Variants in LEO1 observed in about 807,000 individuals in gnomAD.
LEO1 encodes the protein RNA polymerase-associated protein LEO1.
LEO1 carries 34 observed loss-of-function variants against 80.4 expected under a neutral mutation model. That is an observed-to-expected ratio of 0.42 (90% CI 0.32 to 0.56). The LOEUF (loss-of-function observed/expected upper bound fraction) is 0.56. LEO1 is among the 20% of genes least tolerant of loss of function. The pLI is 0.10. For synonymous variants in LEO1, 262 were observed against 274.9 expected (o/e 0.95, Z 0.46); for missense variants, 631 against 814.2 (o/e 0.77, Z 2.74).
At chr15:51,963,502 G>A (rs182015445) in intron 2 of LEO1, among the ~76,000 whole-genome samples, 2 of 152,232 alleles carry the variant, frequency 1.3e-5, no homozygotes, top group East Asian at 3.9e-4. Context: ...TAAGCAGAAT[G>A]ACCAGCTACA....
intron 11 of LEO1, among the ~76,000 whole-genome samples, chr15:51,939,465 A>G (rs2056829728): frequency 6.6e-6 from 1 of 152,192 alleles, no homozygotes; most frequent in Non-Finnish European, 1.5e-5. Flanking sequence ...ATGAATCCAC[A>G]GTAAGGTATT....
intron 11 of LEO1, among the ~76,000 whole-genome samples, chr15:51,943,982 A>G (rs2056879053): frequency 6.6e-6 from 1 of 152,204 alleles, no homozygotes; most frequent in Non-Finnish European, 1.5e-5. Flanking sequence ...ACACCACTAA[A>G]CACACCAACA....
chr15:51,939,146 C>G (rs1180776878), intron 11 of LEO1, among the ~76,000 whole-genome samples: 1 of 152,202 alleles, frequency 6.6e-6, no homozygotes, highest in Non-Finnish European at 1.5e-5. Context: ...GATCGCACCA[C>G]TATACTCCGG....
intron 11 of LEO1, among the ~76,000 whole-genome samples, chr15:51,946,028 T>C (rs2056897959): frequency 2.0e-5 from 3 of 151,768 alleles, no homozygotes; most frequent in Non-Finnish European, 4.4e-5. Context: ...AGCGAGACTC[T>C]GTCTTAAAAA....
At chr15:51,969,840 A>T (rs1271778825) in intron 1 of LEO1, among the ~76,000 whole-genome samples, 3 of 4,396 alleles carry the variant, frequency 6.8e-4, no homozygotes, top group Non-Finnish European at 1.9e-3. Context: ...GACTCCGTTA[A>T]AAAAAAAAAA....
At chr15:51,964,068 T>G (rs1241321784) in intron 2 of LEO1, among the ~76,000 whole-genome samples, 1 of 151,438 alleles carries the variant, frequency 6.6e-6, no homozygotes, top group East Asian at 1.9e-4. Flanking sequence ...TAGCCGGGCG[T>G]GGTGGCGGGT....
In LEO1 at chr15:51,971,770, C is replaced by G. The variant is rs1361240839; in HGVS notation, c.-25G>C. 3 of 1,613,080 alleles carry G rather than the reference C, an allele frequency of 1.9e-6. No homozygotes were observed. In the African/African-American group the frequency reaches 4.0e-5, roughly 22 times the overall value. On this transcript the variant is annotated 5_prime_UTR_variant, in exon 1 of 12. Coordinates refer to ENST00000299601, the MANE Select transcript of LEO1 (RefSeq NM_138792.4). ...TTATCGCTCACGTCCGCTGCTGCCT[C>G]GGTTAGGGGCAGCTCCCGGCCTCTC...
chr15:51,953,793 A>G (rs916916763), intron 7 of LEO1, among the ~76,000 whole-genome samples: 1 of 151,782 alleles, frequency 6.6e-6, no homozygotes, highest in Non-Finnish European at 1.5e-5. Context: ...GTGAAGGGCA[A>G]TTTTTTTAAA....
intron 10 of LEO1, 106 bp downstream of exon 10, chr15:51,949,699 CAAA>C (rs11387025): frequency 1.8e-3 from 1,310 of 712,598 alleles, no homozygotes; most frequent in Middle Eastern, 4.4e-3. Context: ...GACTCCGTCT[CAAA>C]AAAAAAAAAA....
chr15:51,939,751 G>A (rs953162424), intron 11 of LEO1, among the ~76,000 whole-genome samples: 15 of 152,186 alleles, frequency 9.9e-5, no homozygotes, highest in African/African-American at 3.1e-4. Context: ...TGGTGTGTTT[G>A]TCTTTTCAGC....
At position 51,963,068 on chromosome 15, in the gene LEO1, G is replaced by A. The variant is rs185292288; in HGVS notation, c.815-575C>T. ...GAGGTGGGTGGATCACTTGAGGTCA[G>A]GAATTCAAGACCAGCCTGGCCAACA... On this transcript the variant is annotated intron_variant, in intron 2 of 11. Transcript: ENST00000299601. Among the ~76,000 whole-genome samples, 7 of 152,204 alleles carry A rather than the reference G, an allele frequency of 4.6e-5. No homozygotes were observed. The East Asian group carries it at 1.4e-3, about 29-fold the overall frequency.
chr15:51,947,481 T>G, intron 10 of LEO1, 92 bp from the exon 11 acceptor site: 2 of 847,492 alleles, frequency 2.4e-6, no homozygotes, highest in South Asian at 1.5e-5. Flanking sequence ...AGTGGCACAA[T>G]CATGGCTCAC....
At chr15:51,945,920 G>A (rs1188821898) in intron 11 of LEO1, among the ~76,000 whole-genome samples, 2 of 151,732 alleles carry the variant, frequency 1.3e-5, no homozygotes, top group Non-Finnish European at 1.5e-5. Flanking sequence ...TGTAGTCCCA[G>A]CTACTCGGGA....
At chr15:51,954,797 A>T (rs1019585155) in intron 6 of LEO1, 7 of 515,232 alleles carry the variant, frequency 1.4e-5, no homozygotes, top group African/African-American at 1.2e-4. Context: ...CTGAGCTCCT[A>T]GAATCATAAT....
At chr15:51,958,394 G>A (rs1239070987) in intron 6 of LEO1, among the ~76,000 whole-genome samples, 1 of 152,112 alleles carries the variant, frequency 6.6e-6, no homozygotes, top group Non-Finnish European at 1.5e-5. Flanking sequence ...AATTGAGGCT[G>A]CCAAGAGCTG....
intron 9 of LEO1, among the ~76,000 whole-genome samples, chr15:51,951,127 C>G (rs2056945414): frequency 6.6e-6 from 1 of 152,250 alleles, no homozygotes; most frequent in Non-Finnish European, 1.5e-5. Flanking sequence ...GGTAACTGGA[C>G]TGTCTTAGCC....
chr15:51,950,623 C>T (rs535893158), intron 9 of LEO1, among the ~76,000 whole-genome samples: 1 of 152,290 alleles, frequency 6.6e-6, no homozygotes, highest in East Asian at 1.9e-4. Flanking sequence ...CAGGGATATT[C>T]TGGGATTTCT....
chr15:51,971,552 G>A (rs1267134446), intron 1 of LEO1, 136 bp downstream of exon 1: 3 of 819,208 alleles, frequency 3.7e-6, no homozygotes, highest in African/African-American at 3.3e-5. Flanking sequence ...TGGCACCTCC[G>A]GGAGTGCAGG....
At chr15:51,963,763 T>G (rs2470604) in intron 2 of LEO1, among the ~76,000 whole-genome samples, 67,714 of 151,004 alleles carry the variant, frequency 0.45, 15,232 homozygotes, top group Admixed American at 0.53. Flanking sequence ...TTAGCTGGGT[T>G]TGGTGGTGCA....
Sources: allele counts gnomAD v4.1 joint callset (sites outside exome capture counted in the v4.1 genomes callset), GRCh38; gene constraint gnomAD v4.1.1; transcripts MANE v1.5; gene names NCBI Gene and HGNC (gene_info 2026-07-23, HGNC 2026-07-21).